The following KCNK13 variants were observed in gnomAD, a reference collection of about 807,000 sequenced individuals.
KCNK13 encodes the protein potassium channel subfamily K member 13.
A neutral mutation model predicts 23.4 loss-of-function variants in KCNK13; 12 were observed. The observed-to-expected ratio is 0.51, with a 90% CI of 0.33 to 0.83. KCNK13 has a LOEUF of 0.83. KCNK13 is among the 40% of genes least tolerant of loss of function. The pLI, the probability that KCNK13 is intolerant of heterozygous loss-of-function variation, is 0.02. For synonymous variants in KCNK13, 231 were observed against 229.5 expected (o/e 1.01, Z -0.06); for missense variants, 463 against 556.3 (o/e 0.83, Z 1.69).
intron 1 of KCNK13, among the ~76,000 whole-genome samples, chr14:90,098,430 A>C (rs1302517407): frequency 2.6e-5 from 4 of 152,202 alleles, no homozygotes; most frequent in African/African-American, 9.6e-5. Context: ...CATCACAGAA[A>C]GTCCTTCTGG....
chr14:90,100,591 A>G (rs1225152131), intron 1 of KCNK13, among the ~76,000 whole-genome samples: 1 of 152,206 alleles, frequency 6.6e-6, no homozygotes, highest in East Asian at 1.9e-4. Context: ...AGTAGTGGCT[A>G]TTTTTATAAC....
At chr14:90,150,164 A>C (rs1890119423) in intron 1 of KCNK13, among the ~76,000 whole-genome samples, 1 of 152,228 alleles carries the variant, frequency 6.6e-6, no homozygotes, top group Non-Finnish European at 1.5e-5. Flanking sequence ...TCCCAGCCAA[A>C]GAAGGGAGTG....
At chr14:90,119,605 A>G (rs1230614426) in intron 1 of KCNK13, among the ~76,000 whole-genome samples, 1 of 152,008 alleles carries the variant, frequency 6.6e-6, no homozygotes, top group Non-Finnish European at 1.5e-5. Flanking sequence ...TTTTCTGTTT[A>G]TTTATTTATT....
At chr14:90,078,112 G>A (rs1889161574) in intron 1 of KCNK13, among the ~76,000 whole-genome samples, 1 of 152,130 alleles carries the variant, frequency 6.6e-6, no homozygotes, top group Non-Finnish European at 1.5e-5. Flanking sequence ...CCCAGTAACA[G>A]CAGCTGTATA....
At chr14:90,108,955 T>C (rs1889579580) in intron 1 of KCNK13, among the ~76,000 whole-genome samples, 1 of 152,092 alleles carries the variant, frequency 6.6e-6, no homozygotes. Flanking sequence ...GGCAGGCAGA[T>C]CACGAGGTCA....
intron 1 of KCNK13, among the ~76,000 whole-genome samples, chr14:90,086,269 G>A (rs1889275135): frequency 6.6e-6 from 1 of 151,910 alleles, no homozygotes; most frequent in Admixed American, 6.6e-5. Flanking sequence ...CTCTCCTGTG[G>A]TACTATACAA....
At chr14:90,125,452 T>C (rs1889786385) in intron 1 of KCNK13, among the ~76,000 whole-genome samples, 1 of 152,048 alleles carries the variant, frequency 6.6e-6, no homozygotes, top group African/African-American at 2.4e-5. Flanking sequence ...CTCAATCTTC[T>C]GACCTCGTGA....
chr14:90,150,485 T>A (rs1890123075), intron 1 of KCNK13, among the ~76,000 whole-genome samples: 1 of 152,088 alleles, frequency 6.6e-6, no homozygotes, highest in Non-Finnish European at 1.5e-5. Flanking sequence ...AAAGGTAAAA[T>A]TCTCAATCTG....
chr14:90,073,658 G>T (rs1378007513), intron 1 of KCNK13, among the ~76,000 whole-genome samples: 2 of 152,040 alleles, frequency 1.3e-5, no homozygotes, highest in African/African-American at 4.8e-5. Context: ...TCAAGTTGTT[G>T]TGTTTTTTGT....
rs1161485246 is a variant in KCNK13, at chr14:90,184,491, G to A, written c.715G>A (p.Gly239Ser). 1 of 1,614,264 alleles carries A rather than the reference G, an allele frequency of 6.2e-7. No individual in the cohort carries two copies. Among genetic ancestry groups the A allele is most frequent in the Admixed American group, 1.7e-5 (1 of 60,032 alleles). ...CTGTTTTGTGGCTTTCAGCACCATTGGCTTTGGGGACCTGGTCAGCAGCCA... is the reference window on the plus strand; with the variant it reads ...CTGTTTTGTGGCTTTCAGCACCATTAGCTTTGGGGACCTGGTCAGCAGCCA... ...YFCFVAFSTI[G>S]FGDLVSSQNA... Residue 239 changes from glycine to serine, a missense_variant, in exon 2 of 2, where the codon GGC (glycine) becomes AGC (serine). Gly to Ser is a moderately conservative substitution (Grantham distance 56). Coordinates refer to ENST00000282146, the MANE Select transcript of KCNK13 (RefSeq NM_022054.4). The surrounding 1 kb of genome is among the most constrained non-coding windows in gnomAD (Gnocchi z 5.6).
chr14:90,105,883 TC>T (rs1245381779), intron 1 of KCNK13, among the ~76,000 whole-genome samples: 1 of 152,242 alleles, frequency 6.6e-6, no homozygotes, highest in Non-Finnish European at 1.5e-5. Flanking sequence ...CAAATCATTG[TC>T]CAGGCCTTGG....
At chr14:90,103,751 C>G (rs765164117) in intron 1 of KCNK13, among the ~76,000 whole-genome samples, 1 of 152,082 alleles carries the variant, frequency 6.6e-6, no homozygotes. Flanking sequence ...TTAGTAGAGA[C>G]GGGGTTTCAC....
intron 1 of KCNK13, among the ~76,000 whole-genome samples, chr14:90,172,723 T>C (rs914154317): frequency 6.6e-6 from 1 of 152,212 alleles, no homozygotes; most frequent in Non-Finnish European, 1.5e-5. Flanking sequence ...CTTCAATTTA[T>C]ACCTGAGAGG....
At chr14:90,133,506 G>T (rs1889899343) in intron 1 of KCNK13, among the ~76,000 whole-genome samples, 1 of 149,934 alleles carries the variant, frequency 6.7e-6, no homozygotes. Flanking sequence ...ACATTGAATT[G>T]TGCACTTTAA....
chr14:90,125,285 G>A (rs986424964), intron 1 of KCNK13, among the ~76,000 whole-genome samples: 20 of 150,980 alleles, frequency 1.3e-4, no homozygotes, highest in African/African-American at 4.1e-4. Flanking sequence ...GTGCAGTGGC[G>A]TGATCTCGGC....
chr14:90,172,246 G>A (rs1890372610), intron 1 of KCNK13, among the ~76,000 whole-genome samples: 1 of 151,850 alleles, frequency 6.6e-6, no homozygotes, highest in South Asian at 2.1e-4. Flanking sequence ...GAACCTGGGA[G>A]GTGGAGGTTG....
At chr14:90,106,564 G>C (rs955307036) in intron 1 of KCNK13, among the ~76,000 whole-genome samples, 1 of 151,008 alleles carries the variant, frequency 6.6e-6, no homozygotes, top group African/African-American at 2.4e-5. Flanking sequence ...GACAGAGTGA[G>C]ACTATGTCTT....
At chr14:90,160,377 A>G (rs1746939742) in intron 1 of KCNK13, among the ~76,000 whole-genome samples, 1 of 152,188 alleles carries the variant, frequency 6.6e-6, no homozygotes, top group Non-Finnish European at 1.5e-5. Flanking sequence ...TACATGTAAT[A>G]GTTTAGGGTA....
chr14:90,101,718 A>G (rs1244288075), intron 1 of KCNK13, among the ~76,000 whole-genome samples: 1 of 133,470 alleles, frequency 7.5e-6, no homozygotes, highest in Non-Finnish European at 1.6e-5. Flanking sequence ...TGAACCCAGG[A>G]GGTGGAGGTT....
Sources: gnomAD v4.1 joint callset for allele counts (sites outside exome capture counted in the v4.1 genomes callset) on GRCh38, gnomAD v4.1.1 for gene constraint, Gnocchi (gnomAD v3.1) non-coding constraint, MANE v1.5 for transcripts, NCBI Gene and HGNC (gene_info 2026-07-23, HGNC 2026-07-21) for gene names.